GALNT17: variants seen among roughly 807,000 people sequenced by gnomAD.
The protein encoded by GALNT17 is polypeptide N-acetylgalactosaminyltransferase 17.
A neutral mutation model predicts 63.7 loss-of-function variants in GALNT17; 29 were observed. The observed-to-expected ratio is 0.46, with a 90% confidence interval of 0.34 to 0.62. The LOEUF (loss-of-function observed/expected upper bound fraction) is 0.62, where lower values mean the gene tolerates loss of function less well. GALNT17 is among the 20% of genes least tolerant of loss of function. GALNT17 has a pLI of 0.01. For synonymous variants in GALNT17, 305 were observed against 318.3 expected, an observed-to-expected ratio of 0.96 and a Z score of 0.45; for missense variants, 603 against 799.6, an observed-to-expected ratio of 0.75 and a Z score of 2.97.
chr7:71,609,293 G>A (rs547598820), intron 6 of GALNT17, among the ~76,000 whole-genome samples: 6 of 152,266 alleles, frequency 3.9e-5, no homozygotes, highest in Admixed American at 6.5e-5. Flanking sequence ...GAGGGAGTCG[G>A]GTACCATAGA....
At chr7:71,440,836 C>G (rs1469599126) in intron 5 of GALNT17, among the ~76,000 whole-genome samples, 1 of 152,160 alleles carries the variant, frequency 6.6e-6, no homozygotes, top group African/African-American at 2.4e-5. Flanking sequence ...GTAGCACTTG[C>G]TGGAGTTTTC....
intron 1 of GALNT17, among the ~76,000 whole-genome samples, chr7:71,224,643 G>A (rs970973198): frequency 6.6e-6 from 1 of 152,160 alleles, no homozygotes; most frequent in Admixed American, 6.5e-5. Context: ...TTGGAAAGGG[G>A]AGGTTTCTCT....
At chr7:71,566,948 A>G (rs1421984986) in intron 5 of GALNT17, among the ~76,000 whole-genome samples, 1 of 151,960 alleles carries the variant, frequency 6.6e-6, no homozygotes, top group Admixed American at 6.6e-5. Flanking sequence ...ATCCGTGTGC[A>G]TGGAGCCCCT....
chr7:71,437,127 C>T (rs1786979809), intron 5 of GALNT17, among the ~76,000 whole-genome samples: 1 of 152,152 alleles, frequency 6.6e-6, no homozygotes, highest in African/African-American at 2.4e-5. Flanking sequence ...GAGTAGAGAG[C>T]AATCATGCAA....
intron 6 of GALNT17, 59 bp from the exon 7 acceptor site, chr7:71,665,352 G>A: frequency 6.5e-7 from 1 of 1,528,104 alleles, no homozygotes; most frequent in Non-Finnish European, 8.8e-7. Context: ...TGGGCTTGGG[G>A]AGGGGGCATA....
intron 2 of GALNT17, among the ~76,000 whole-genome samples, chr7:71,350,942 A>T (rs1792177731): frequency 6.6e-6 from 1 of 152,234 alleles, no homozygotes; most frequent in Non-Finnish European, 1.5e-5. Flanking sequence ...GGAGTTTAAG[A>T]TCAGCATGGC....
In GALNT17 at chr7:71,391,193, G is replaced by A. The variant is rs554889477; in HGVS notation, c.589+2792G>A. Among the ~76,000 whole-genome samples the A allele has an allele frequency of 2.0e-5, 3 of 152,302 alleles. No individual in the cohort carries two copies. The South Asian group carries it at 6.2e-4, about 32-fold the overall frequency. On this transcript the variant is annotated intron_variant, in intron 3 of 10. Transcript: ENST00000333538. ...GGTGTGAGCTAGTGGCAAAAAGACT[G>A]GAGGTGGCCCGGGGCTAGAACACCC... is the stretch of plus-strand genomic sequence containing the variant.
At chr7:71,178,611 A>C (rs1788682189) in intron 1 of GALNT17, among the ~76,000 whole-genome samples, 1 of 151,528 alleles carries the variant, frequency 6.6e-6, no homozygotes, top group Non-Finnish European at 1.5e-5. Context: ...TTCAGATTGG[A>C]TGGTTTCTGT....
intron 5 of GALNT17, among the ~76,000 whole-genome samples, chr7:71,531,869 AT>A (rs1418901421): frequency 6.6e-5 from 10 of 152,322 alleles, no homozygotes; most frequent in Non-Finnish European, 1.0e-4. Flanking sequence ...TTACACTGGC[AT>A]TGAAAGGCTG....
In GALNT17 at chr7:71,171,379, G is replaced by C. The variant is rs116124065; in HGVS notation, c.238+38339G>C. ...AAAATTAAAAATAAAAATTAGCCAGGAGTAGCTGTTACTGGGGACGATGAG... is the reference window on the plus strand; with the variant it reads ...AAAATTAAAAATAAAAATTAGCCAGCAGTAGCTGTTACTGGGGACGATGAG... On this transcript the variant is annotated intron_variant, in intron 1 of 10. Transcript: ENST00000333538. Among the ~76,000 whole-genome samples, 492 of 152,284 alleles carry C rather than the reference G, an allele frequency of 3.2e-3. 2 individuals are homozygous for C. The highest frequency in any genetic ancestry group is 0.011 in the African/African-American group (452 of 41,554).
intron 9 of GALNT17, among the ~76,000 whole-genome samples, chr7:71,697,359 TA>T (rs1196474695): frequency 1.3e-5 from 2 of 152,080 alleles, no homozygotes; most frequent in Non-Finnish European, 2.9e-5. Flanking sequence ...GGTCTCAGAA[TA>T]GTCTGGAATT....
At chr7:71,205,573 C>G (rs762230084) in intron 1 of GALNT17, among the ~76,000 whole-genome samples, 3 of 152,158 alleles carry the variant, frequency 2.0e-5, no homozygotes, top group Non-Finnish European at 2.9e-5. Context: ...CAGGCACGCT[C>G]CACCACACGC....
intron 9 of GALNT17, among the ~76,000 whole-genome samples, chr7:71,707,583 A>G (rs1475715360): frequency 6.6e-6 from 1 of 152,186 alleles, no homozygotes; most frequent in Non-Finnish European, 1.5e-5. Context: ...GGTCAGCTGG[A>G]TGGTTCTCTG....
chr7:71,459,252 G>C (rs963868634), intron 5 of GALNT17, among the ~76,000 whole-genome samples: 1 of 152,156 alleles, frequency 6.6e-6, no homozygotes, highest in Non-Finnish European at 1.5e-5. Context: ...GACAGAAAAA[G>C]GAAAGCAGAA....
intron 2 of GALNT17, among the ~76,000 whole-genome samples, chr7:71,358,681 T>A (rs73181677): frequency 0.15 from 23,546 of 152,314 alleles, 2,084 homozygotes; most frequent in East Asian, 0.29. Context: ...TTTATTATTA[T>A]GTTGTAAAAC....
chr7:71,434,923 T>A (rs907451425), intron 5 of GALNT17, among the ~76,000 whole-genome samples: 1 of 152,128 alleles, frequency 6.6e-6, no homozygotes, highest in Non-Finnish European at 1.5e-5. Context: ...TCCACAAAAT[T>A]CTGTTTGCTT....
chr7:71,413,749 A>G (rs1182359034), intron 3 of GALNT17, among the ~76,000 whole-genome samples: 1 of 152,202 alleles, frequency 6.6e-6, no homozygotes, highest in East Asian at 1.9e-4. Flanking sequence ...AGCACAACTC[A>G]GTATCTTATA....
chr7:71,281,267 C>T (rs979421303), intron 1 of GALNT17, among the ~76,000 whole-genome samples: 1 of 152,124 alleles, frequency 6.6e-6, no homozygotes, highest in Non-Finnish European at 1.5e-5. Context: ...CTCAGTCAGC[C>T]CAGGTGAGGT....
chr7:71,521,266 G>A (rs1480703243), intron 5 of GALNT17, among the ~76,000 whole-genome samples: 1 of 151,444 alleles, frequency 6.6e-6, no homozygotes, highest in Non-Finnish European at 1.5e-5. Flanking sequence ...TTCTAGGGCT[G>A]TGTGCTGGTG....
Sources: allele counts gnomAD v4.1 joint callset (sites outside exome capture counted in the v4.1 genomes callset), GRCh38; gene constraint gnomAD v4.1.1; transcripts MANE v1.5; gene names NCBI Gene and HGNC (gene_info 2026-07-23, HGNC 2026-07-21).